The following PHAX variants were observed in gnomAD, a reference collection of about 807,000 sequenced individuals.
PHAX encodes the protein phosphorylated adaptor for RNA export.
A neutral mutation model predicts 41.6 loss-of-function variants in PHAX; 31 were observed. That is an observed-to-expected ratio of 0.75 (90% CI 0.56 to 1.01). PHAX has a LOEUF of 1.01. Among genes scored for constraint, PHAX ranks in the 50% least tolerant of loss-of-function variants. The probability of loss-of-function intolerance (pLI) is 0.00; values close to 1 mark genes in which losing one functional copy is unlikely to be tolerated. For synonymous variants in PHAX, 175 were observed against 164.9 expected, an observed-to-expected ratio of 1.06 and a Z score of -0.47; for missense variants, 453 against 472.9, an observed-to-expected ratio of 0.96 and a Z score of 0.39.
chr5:126,626,526 CAA>C lies in PHAX; in HGVS notation c.*1683_*1684del, dbSNP rs201868659. The C allele has an allele frequency of 0.056, 8,508 of 151,920 alleles. 420 individuals carry two copies. Among genetic ancestry groups the C allele is most frequent in the African/African-American group, 0.14 (5,750 of 41,386 alleles). The allele number at this position is 151,920 out of a possible 1,614,324, so 9.4% of individuals were successfully genotyped here. A position where few individuals can be genotyped will look rare whatever the true frequency, so the allele number is the denominator to read the frequency against. ...GGTGGAGGCGGGTGGATCACAAGGT[CAA>C]GAGATCGAGACCATCCTGGCCAACA... On this transcript the variant is annotated 3_prime_UTR_variant, in exon 5 of 5. Transcript: ENST00000297540.
chr5:126,602,427 T>C (rs1751918112), intron 1 of PHAX, among the ~76,000 whole-genome samples: 1 of 152,236 alleles, frequency 6.6e-6, no homozygotes, highest in Admixed American at 6.5e-5. Context: ...TGGCATGATG[T>C]ACCACTGATA....
chr5:126,622,680 C>G (rs555862683), intron 4 of PHAX, among the ~76,000 whole-genome samples: 1 of 152,170 alleles, frequency 6.6e-6, no homozygotes, highest in Admixed American at 6.5e-5. Context: ...CATTATACTA[C>G]TTAGAATTCT....
chr5:126,607,388 CTTTTTTTTTTTTTTTT>C (rs58375322), intron 2 of PHAX, among the ~76,000 whole-genome samples: 1 of 85,404 alleles, frequency 1.2e-5, no homozygotes, highest in South Asian at 4.5e-4. Context: ...GGTCTGAATT[CTTTTTTTTTTTTTTTT>C]TTTTTTTTTT....
At chr5:126,615,931 A>ATT (rs1014051106) in intron 3 of PHAX, among the ~76,000 whole-genome samples, 1 of 151,954 alleles carries the variant, frequency 6.6e-6, no homozygotes, top group African/African-American at 2.4e-5. Flanking sequence ...TATCTGATTT[A>ATT]TTATATATAT....
intron 3 of PHAX, among the ~76,000 whole-genome samples, chr5:126,610,421 G>GA (rs1037737269): frequency 4.6e-5 from 7 of 151,708 alleles, no homozygotes; most frequent in East Asian, 1.9e-4. Flanking sequence ...GACATGGGGA[G>GA]AAAAAAAACC....
chr5:126,609,476 T>A (rs1752044664), intron 3 of PHAX, among the ~76,000 whole-genome samples: 1 of 152,116 alleles, frequency 6.6e-6, no homozygotes, highest in East Asian at 1.9e-4. Context: ...GGTTTTAGAG[T>A]TTGGGTACCC....
chr5:126,625,036 T>C lies in PHAX; in HGVS notation c.*192T>C. On this transcript the variant is annotated 3_prime_UTR_variant, in exon 5 of 5. Coordinates refer to ENST00000297540, the MANE Select transcript of PHAX (RefSeq NM_032177.4). ...TTTAAAGATATATCTGACAAAATAC[T>C]TAAGAGTATATAGCACAGGATTTAA... 1 of 575,154 alleles carries C rather than the reference T, an allele frequency of 1.7e-6. No individual in the cohort carries two copies. The highest frequency in any genetic ancestry group is 3.0e-6 in the Non-Finnish European group (1 of 333,018). 35.6% of individuals were successfully genotyped at this position (575,154 alleles called of 1,614,324 possible).
intron 2 of PHAX, 91 bp downstream of exon 2, chr5:126,604,274 C>CATTTTTTT: frequency 3.1e-6 from 2 of 643,340 alleles, no homozygotes; most frequent in Non-Finnish European, 4.2e-6. Flanking sequence ...TGATATGTTC[C>CATTTTTTT]TTTTTTTTTT....
chr5:126,608,402 T>C lies in PHAX; in HGVS notation c.749T>C (p.Val250Ala), dbSNP rs754684846. The change falls in exon 3 of 5, where the codon GTG becomes GCG. Residue 250 changes from valine to alanine, a missense_variant. Transcript: ENST00000297540. ...AAGAAAGACCTGATAGCCCGAGTAGTGAGGATTATTGGTAACAAAAAGGCA... is the reference window on the plus strand; with the variant it reads ...AAGAAAGACCTGATAGCCCGAGTAGCGAGGATTATTGGTAACAAAAAGGCA... ...EPKKDLIARV[V>A]RIIGNKKAIE... 3.7e-6 allele frequency: 6 copies of C among 1,613,596 alleles called. No individual in the cohort carries two copies. Among genetic ancestry groups the C allele is most frequent in the Non-Finnish European group, 4.2e-6 (5 of 1,179,542 alleles).
intron 2 of PHAX, among the ~76,000 whole-genome samples, chr5:126,606,403 G>A (rs905106748): frequency 1.4e-4 from 21 of 152,016 alleles, no homozygotes; most frequent in African/African-American, 4.8e-4. Flanking sequence ...CGCCATGTTG[G>A]CCAGGCTGGT....
chr5:126,603,100 A>G (rs112730408), intron 1 of PHAX, among the ~76,000 whole-genome samples: 3,177 of 149,068 alleles, frequency 0.021, 38 homozygotes, highest in Middle Eastern at 0.032. Flanking sequence ...ATAGCTGGGT[A>G]TGGTGAAGGT....
chr5:126,601,455 G>A (rs1027159838), intron 1 of PHAX, among the ~76,000 whole-genome samples: 1 of 152,194 alleles, frequency 6.6e-6, no homozygotes, highest in Non-Finnish European at 1.5e-5. Flanking sequence ...TCGCCGCTAG[G>A]TAACCATAAA....
At chr5:126,602,697 CTG>C (rs1273674449) in intron 1 of PHAX, among the ~76,000 whole-genome samples, 1 of 152,158 alleles carries the variant, frequency 6.6e-6, no homozygotes, top group African/African-American at 2.4e-5. Context: ...GCCGTGGACT[CTG>C]GGGTTTTAAA....
At chr5:126,605,731 T>A (rs1751979520) in intron 2 of PHAX, among the ~76,000 whole-genome samples, 1 of 152,198 alleles carries the variant, frequency 6.6e-6, no homozygotes, top group African/African-American at 2.4e-5. Context: ...GATAGAATAA[T>A]TTTGTAGACT....
Position 126,624,782 on chromosome 5 carries a change from G to T in PHAX, c.1123G>T (p.Ala375Ser). 3.1e-6 allele frequency: 5 copies of T among 1,613,668 alleles called. No homozygotes were observed. The highest frequency in any genetic ancestry group is 4.2e-6 in the Non-Finnish European group (5 of 1,179,920). ...TGAGTCACAGGAAGGACATGCAGAA[G>T]CCAAGTTGGAGGCAGAGGAAGCCAT... ...LDESQEGHAE[A>S]KLEAEEAIEV... The change falls in exon 5 of 5, where the codon GCC (alanine) becomes TCC (serine). Residue 375 changes from alanine to serine, a missense_variant. Transcript: ENST00000297540.
rs762048985 is a variant in PHAX, at chr5:126,624,580, T to C, written c.921T>C (p.Ile307=). Residue 307 remains isoleucine (I), a synonymous_variant, in exon 5 of 5, where the codon ATT becomes ATC. Coordinates refer to ENST00000297540, the MANE Select transcript of PHAX (RefSeq NM_032177.4). The part of the protein sequence containing the change: ...PSISEEQIKD[I]FYIENQKEYE... Reference sequence around the variant, plus strand: ...ACTTTGTTCCTTTATTACAGGACATTTTCTACATTGAAAACCAAAAGGAAT... The same window carrying C: ...ACTTTGTTCCTTTATTACAGGACATCTTCTACATTGAAAACCAAAAGGAAT... 1 of 1,591,086 alleles carries C rather than the reference T, an allele frequency of 6.3e-7. No individual in the cohort carries two copies. The highest frequency in any genetic ancestry group is 1.8e-5 in the Admixed American group (1 of 54,470).
intron 3 of PHAX, among the ~76,000 whole-genome samples, chr5:126,615,655 G>A (rs974842158): frequency 3.3e-5 from 5 of 151,996 alleles, no homozygotes; most frequent in African/African-American, 9.7e-5. Flanking sequence ...GATAAGCATC[G>A]TTTAGGCATG....
rs1032489623 is a variant in PHAX at position 126,625,822 on chromosome 5, T to G, written c.*978T>G. 4.0e-5 allele frequency: 6 copies of G among 151,896 alleles called. No individual in the cohort carries two copies. The highest frequency in any genetic ancestry group is 1.3e-4 in the Admixed American group (2 of 15,242). The allele number at this position is 151,896 out of a possible 1,614,324, so 9.4% of individuals were successfully genotyped here. On this transcript the variant is annotated 3_prime_UTR_variant, in exon 5 of 5. Transcript: ENST00000297540. ...GTTCAAGCGATCATGTGCCTAAGCCTCCTGAGTAGCTGGGATCACAGGTGT... is the reference window on the plus strand; with the variant it reads ...GTTCAAGCGATCATGTGCCTAAGCCGCCTGAGTAGCTGGGATCACAGGTGT...
chr5:126,604,454 A>C (rs991552195), intron 2 of PHAX, among the ~76,000 whole-genome samples: 7 of 152,096 alleles, frequency 4.6e-5, no homozygotes, highest in Admixed American at 2.0e-4. Flanking sequence ...TAATAGAGAC[A>C]GGGTCTTGCC....
Sources: allele counts gnomAD v4.1 joint callset (sites outside exome capture counted in the v4.1 genomes callset), GRCh38; gene constraint gnomAD v4.1.1; transcripts MANE v1.5; gene names NCBI Gene and HGNC (gene_info 2026-07-23, HGNC 2026-07-21).